Variants in ARL15 observed in about 807,000 individuals in gnomAD.
The protein encoded by ARL15 is ARF like GTPase 15, also known as ADP-ribosylation factor-like protein 15.
ARL15 carries 19 observed loss-of-function variants against 25.2 expected under a neutral mutation model. The observed-to-expected ratio is 0.75, with a 90% confidence interval of 0.53 to 1.10. The LOEUF (loss-of-function observed/expected upper bound fraction) is 1.10. Among genes scored for constraint, ARL15 ranks in the 50% least tolerant of loss-of-function variants. The pLI is 0.00. For missense variants in ARL15, 220 were observed against 246.0 expected (o/e 0.89, Z 0.71); for synonymous variants, 94 against 86.8 (o/e 1.08, Z -0.46).
At chr5:54,292,860 T>C (rs1758368951) in intron 1 of ARL15, among the ~76,000 whole-genome samples, 1 of 152,158 alleles carries the variant, frequency 6.6e-6, no homozygotes, top group Non-Finnish European at 1.5e-5. Flanking sequence ...TGGCAGAAGG[T>C]AGACTACTGC....
intron 1 of ARL15, among the ~76,000 whole-genome samples, chr5:54,184,438 TTAAAA>T (rs1163320407): frequency 2.1e-4 from 12 of 56,306 alleles, no homozygotes; most frequent in Admixed American, 2.7e-4. Context: ...AACACTGTCT[TTAAAA>T]AAAAAAAAAA....
intron 4 of ARL15, among the ~76,000 whole-genome samples, chr5:53,953,282 C>G (rs787543): frequency 0.35 from 53,130 of 151,972 alleles, 9,505 homozygotes; most frequent in Admixed American, 0.41. Context: ...ATTCTACCTA[C>G]CTCTGAAGAA....
intron 4 of ARL15, among the ~76,000 whole-genome samples, chr5:53,892,973 G>A (rs1455292805): frequency 6.6e-6 from 1 of 152,118 alleles, no homozygotes; most frequent in Non-Finnish European, 1.5e-5. Flanking sequence ...AAGAGAGCCT[G>A]AATGGACAGC....
intron 4 of ARL15, among the ~76,000 whole-genome samples, chr5:53,908,530 A>C (rs1290238862): frequency 6.6e-6 from 1 of 152,204 alleles, no homozygotes; most frequent in Non-Finnish European, 1.5e-5. Flanking sequence ...ACTGACTCAG[A>C]TTTTGTTATT....
intron 4 of ARL15, among the ~76,000 whole-genome samples, chr5:53,958,240 T>C (rs1226433895): frequency 1.3e-5 from 2 of 151,604 alleles, no homozygotes; most frequent in Non-Finnish European, 2.9e-5. Flanking sequence ...ATTTTAAACA[T>C]ATGTTAATGG....
At chr5:53,947,016 G>A (rs540771536) in intron 4 of ARL15, among the ~76,000 whole-genome samples, 14 of 152,276 alleles carry the variant, frequency 9.2e-5, no homozygotes, top group African/African-American at 3.4e-4. Context: ...AATAAAACAA[G>A]GACAAGGGCT....
chr5:54,049,470 T>C (rs532784016), intron 4 of ARL15, among the ~76,000 whole-genome samples: 6 of 152,294 alleles, frequency 3.9e-5, no homozygotes, highest in South Asian at 2.1e-4. Flanking sequence ...TTAAAGGATA[T>C]ATCCTATGGT....
chr5:54,253,501 A>G (rs1382611715), intron 1 of ARL15, among the ~76,000 whole-genome samples: 1 of 152,174 alleles, frequency 6.6e-6, no homozygotes, highest in African/African-American at 2.4e-5. Flanking sequence ...CAATTCAAAC[A>G]CAAGTGGGTT....
chr5:54,056,995 T>C lies in ARL15; in HGVS notation c.462+56207A>G, dbSNP rs533635120. On this transcript the variant is annotated intron_variant, in intron 4 of 4. Transcript: ENST00000504924. ...ATACATGAACATACACATACGAACA[T>C]AGAATAATGCAATAACAAATAAATT... Among the ~76,000 whole-genome samples the C allele has an allele frequency of 2.7e-5, 4 of 150,896 alleles. 1 individual carries two copies. The highest frequency in any genetic ancestry group is 3.9e-4 in the East Asian group (2 of 5,122).
At chr5:54,271,057 G>T (rs1757772176) in intron 1 of ARL15, among the ~76,000 whole-genome samples, 1 of 152,188 alleles carries the variant, frequency 6.6e-6, no homozygotes, top group Non-Finnish European at 1.5e-5. Context: ...GGACTCCAAG[G>T]TTTACATCAG....
intron 4 of ARL15, among the ~76,000 whole-genome samples, chr5:53,913,135 C>T (rs773660223): frequency 4.6e-5 from 7 of 152,062 alleles, no homozygotes; most frequent in African/African-American, 7.2e-5. Flanking sequence ...CCCATCTCTA[C>T]AAAAAATTTT....
intron 4 of ARL15, among the ~76,000 whole-genome samples, chr5:54,042,294 A>C (rs1323865936): frequency 3.3e-5 from 5 of 152,196 alleles, no homozygotes; most frequent in Non-Finnish European, 7.3e-5. Flanking sequence ...TTCTAAATGT[A>C]ATTAGGGCTA....
chr5:54,192,975 T>C (rs1163966015), intron 1 of ARL15, among the ~76,000 whole-genome samples: 1 of 152,194 alleles, frequency 6.6e-6, no homozygotes, highest in African/African-American at 2.4e-5. Context: ...ACTTTTCATT[T>C]GACATGTTTC....
chr5:54,065,253 T>C (rs1156506334), intron 4 of ARL15, among the ~76,000 whole-genome samples: 1 of 152,236 alleles, frequency 6.6e-6, no homozygotes, highest in Admixed American at 6.5e-5. Context: ...TAATAATTTG[T>C]CATTAATGCA....
intron 4 of ARL15, among the ~76,000 whole-genome samples, chr5:53,946,799 C>G (rs1746750882): frequency 6.6e-6 from 1 of 152,158 alleles, no homozygotes; most frequent in Non-Finnish European, 1.5e-5. Flanking sequence ...AAAGCTCTTC[C>G]TGCCATCACA....
intron 2 of ARL15, among the ~76,000 whole-genome samples, chr5:54,162,241 T>A (rs1754426923): frequency 6.6e-6 from 1 of 152,134 alleles, no homozygotes; most frequent in Non-Finnish European, 1.5e-5. Flanking sequence ...CTCCTTTCAC[T>A]ATAATGAACA....
chr5:54,054,098 A>C (rs1387423064), intron 4 of ARL15, among the ~76,000 whole-genome samples: 1 of 152,172 alleles, frequency 6.6e-6, no homozygotes, highest in Non-Finnish European at 1.5e-5. Flanking sequence ...CCACCCAATC[A>C]GAAACTAGAA....
intron 4 of ARL15, among the ~76,000 whole-genome samples, chr5:53,967,468 T>C (rs1231409485): frequency 6.6e-6 from 1 of 152,174 alleles, no homozygotes; most frequent in African/African-American, 2.4e-5. Context: ...ATAGTGAACT[T>C]GATAAAATTT....
chr5:54,257,227 TAC>T (rs1469973357), intron 1 of ARL15, among the ~76,000 whole-genome samples: 2 of 152,190 alleles, frequency 1.3e-5, no homozygotes, highest in Non-Finnish European at 2.9e-5. Context: ...AGCACTGCTA[TAC>T]ACAAAAAACG....
Sources: gnomAD v4.1 joint callset for allele counts (sites outside exome capture counted in the v4.1 genomes callset) on GRCh38, gnomAD v4.1.1 for gene constraint, MANE v1.5 for transcripts, NCBI Gene and HGNC (gene_info 2026-07-23, HGNC 2026-07-21) for gene names.